The following AGBL4 variants were observed in gnomAD, a reference collection of about 807,000 sequenced individuals.
AGBL4 encodes cytosolic carboxypeptidase 6.
Under a neutral mutation model 66.4 loss-of-function variants are expected in AGBL4, and 58 were observed. That is an observed-to-expected ratio of 0.87 (90% confidence interval 0.71 to 1.09). The LOEUF (loss-of-function observed/expected upper bound fraction) is 1.09, where lower values mean the gene tolerates loss of function less well. Among genes scored for constraint, AGBL4 ranks in the 50% least tolerant of loss-of-function variants. The probability of loss-of-function intolerance (pLI) is 0.00; values close to 1 mark genes in which losing one functional copy is unlikely to be tolerated. For synonymous variants in AGBL4, 234 were observed against 222.9 expected (o/e 1.05, Z -0.44); for missense variants, 579 against 631.0 (o/e 0.92, Z 0.88).
chr1:49,452,554 C>T (rs879432401), intron 3 of AGBL4, among the ~76,000 whole-genome samples: 10 of 151,704 alleles, frequency 6.6e-5, no homozygotes, highest in Admixed American at 2.0e-4. Flanking sequence ...ATGCTTTTAC[C>T]ATCTTCTATA....
chr1:48,935,952 C>G (rs1655418762), intron 5 of AGBL4, among the ~76,000 whole-genome samples: 1 of 73,164 alleles, frequency 1.4e-5, no homozygotes, highest in Non-Finnish European at 2.5e-5. Context: ...GAGCGAGACT[C>G]TGTCTGAAAA....
intron 3 of AGBL4, among the ~76,000 whole-genome samples, chr1:49,522,818 G>A (rs937835589): frequency 7.2e-5 from 11 of 152,104 alleles, no homozygotes; most frequent in African/African-American, 2.2e-4. Flanking sequence ...GCATGAGCAC[G>A]GATCAGGTAT....
intron 1 of AGBL4, among the ~76,000 whole-genome samples, chr1:49,940,665 C>T (rs1654656976): frequency 6.6e-6 from 1 of 151,190 alleles, no homozygotes; most frequent in African/African-American, 2.4e-5. Context: ...AACACATGGA[C>T]ACAGGAAGGG....
At chr1:49,473,651 T>A (rs1646791023) in intron 3 of AGBL4, among the ~76,000 whole-genome samples, 1 of 152,106 alleles carries the variant, frequency 6.6e-6, no homozygotes. Flanking sequence ...GTCCCACTTG[T>A]CAATTTTTGT....
At chr1:49,020,482 C>A (rs908105593) in intron 5 of AGBL4, among the ~76,000 whole-genome samples, 1 of 152,100 alleles carries the variant, frequency 6.6e-6, no homozygotes, top group African/African-American at 2.4e-5. Flanking sequence ...CAGATGTGGG[C>A]AGGGCAAAGA....
At position 48,734,553 on chromosome 1, in the gene AGBL4, C is replaced by T. The variant is rs368471169; in HGVS notation, c.635-71312G>A. ...TTCCCAGCCCTACAAGACAGGCTCT[C>T]GCCCACCTCCCTGACCTCACTCTTC... On this transcript the variant is annotated intron_variant, in intron 6 of 13. Coordinates refer to ENST00000371839, the MANE Select transcript of AGBL4 (RefSeq NM_032785.4). Among the ~76,000 whole-genome samples the T allele has an allele frequency of 5.3e-5, 8 of 152,308 alleles. No individual in the cohort carries two copies. In the East Asian group the frequency reaches 1.2e-3, roughly 22 times the overall value.
chr1:48,604,463 C>T (rs968790959), intron 9 of AGBL4, among the ~76,000 whole-genome samples: 3 of 151,956 alleles, frequency 2.0e-5, no homozygotes, highest in South Asian at 2.1e-4. Context: ...ATGAAAAGAA[C>T]GTTTCCCCCA....
intron 4 of AGBL4, among the ~76,000 whole-genome samples, chr1:49,129,521 T>A (rs1645842006): frequency 6.6e-6 from 1 of 151,152 alleles, no homozygotes; most frequent in Admixed American, 6.6e-5. Flanking sequence ...TGTCCATGTG[T>A]TCTCATTGTT....
chr1:50,022,313 A>G (rs745433582), intron 1 of AGBL4, among the ~76,000 whole-genome samples: 3 of 152,210 alleles, frequency 2.0e-5, no homozygotes, highest in Non-Finnish European at 4.4e-5. Flanking sequence ...GAAAAAAAGG[A>G]AAAGAAGAAC....
chr1:49,204,598 T>C (rs1156360112), intron 4 of AGBL4, among the ~76,000 whole-genome samples: 1 of 152,126 alleles, frequency 6.6e-6, no homozygotes, highest in Admixed American at 6.6e-5. Context: ...AGGGAAATGA[T>C]AATCGTTATT....
At position 49,976,814 on chromosome 1, in the gene AGBL4, G is replaced by A. The variant is rs115405716; in HGVS notation, c.34+46949C>T. On this transcript the variant is annotated intron_variant, in intron 1 of 13. Transcript: ENST00000371839. ...AGGTCCACTATTCTCCATCCCTGACGCAGTCCTCTTTCAACCATTTCTGAC... is the reference window on the plus strand; with the variant it reads ...AGGTCCACTATTCTCCATCCCTGACACAGTCCTCTTTCAACCATTTCTGAC... Among the ~76,000 whole-genome samples the A allele has an allele frequency of 8.2e-3, 1,247 of 152,166 alleles. 8 individuals carry two copies. The highest frequency in any genetic ancestry group is 0.031 in the Middle Eastern group (9 of 294).
chr1:49,685,783 A>C (rs1646777231), intron 3 of AGBL4, among the ~76,000 whole-genome samples: 1 of 152,118 alleles, frequency 6.6e-6, no homozygotes, highest in Non-Finnish European at 1.5e-5. Context: ...TTCCTTATAG[A>C]TTCTGGAATT....
chr1:49,551,525 T>A (rs1255507583), intron 3 of AGBL4, among the ~76,000 whole-genome samples: 1 of 152,186 alleles, frequency 6.6e-6, no homozygotes, highest in Admixed American at 6.5e-5. Flanking sequence ...TTCCTGTGGA[T>A]GTTGTTTGCT....
At chr1:48,544,259 C>A (rs545621482) in intron 11 of AGBL4, among the ~76,000 whole-genome samples, 14 of 152,198 alleles carry the variant, frequency 9.2e-5, no homozygotes, top group Non-Finnish European at 2.1e-4. Context: ...CAGCTTTCAC[C>A]CAGCCAGTCT....
intron 6 of AGBL4, among the ~76,000 whole-genome samples, chr1:48,793,421 A>G (rs1221096969): frequency 1.3e-5 from 2 of 152,178 alleles, no homozygotes; most frequent in South Asian, 4.1e-4. Flanking sequence ...GACAGATGGT[A>G]TATCCTAAGG....
chr1:49,569,229 A>G (rs907483931), intron 3 of AGBL4, among the ~76,000 whole-genome samples: 1 of 152,148 alleles, frequency 6.6e-6, no homozygotes, highest in African/African-American at 2.4e-5. Flanking sequence ...GAGTCTGGGA[A>G]GGGTAGTTGG....
chr1:48,666,895 G>A (rs1214537438), intron 6 of AGBL4, among the ~76,000 whole-genome samples: 9 of 152,152 alleles, frequency 5.9e-5, no homozygotes, highest in Admixed American at 3.3e-4. Flanking sequence ...AATTCTCAAA[G>A]CAACCCAATG....
chr1:48,713,046 C>T (rs939337989), intron 6 of AGBL4, among the ~76,000 whole-genome samples: 3 of 152,194 alleles, frequency 2.0e-5, no homozygotes, highest in African/African-American at 7.2e-5. Flanking sequence ...GACAGGGATG[C>T]TTGGTACCGT....
chr1:49,648,797 TAA>T (rs552922905), intron 3 of AGBL4, among the ~76,000 whole-genome samples: 1 of 142,814 alleles, frequency 7.0e-6, no homozygotes, highest in Non-Finnish European at 1.5e-5. Context: ...CTTTCTCAAA[TAA>T]AAAAAAAAGG....
Sources: allele counts gnomAD v4.1 joint callset (sites outside exome capture counted in the v4.1 genomes callset), GRCh38; gene constraint gnomAD v4.1.1; transcripts MANE v1.5; gene names NCBI Gene and HGNC (gene_info 2026-07-23, HGNC 2026-07-21).